KIAA1217: variants seen among roughly 807,000 people sequenced by gnomAD.
The protein encoded by KIAA1217 is sickle tail protein homolog.
Under a neutral mutation model 163.9 loss-of-function variants are expected in KIAA1217, and 88 were observed. That is an observed-to-expected ratio of 0.54 (90% CI 0.45 to 0.64). KIAA1217 has a LOEUF of 0.64. Ranked by LOEUF, KIAA1217 falls within the 30% of genes least tolerant of loss-of-function variation. The pLI, the probability that KIAA1217 is intolerant of heterozygous loss-of-function variation, is 0.00. For missense variants in KIAA1217, 2,372 were observed against 2,475.0 expected (o/e 0.96, Z 0.88); for synonymous variants, 903 against 923.1 (o/e 0.98, Z 0.39).
At chr10:24,118,008 G>C (rs1346936403) in intron 2 of KIAA1217, among the ~76,000 whole-genome samples, 1 of 152,052 alleles carries the variant, frequency 6.6e-6, no homozygotes, top group Non-Finnish European at 1.5e-5. Flanking sequence ...GGAGGAGGGT[G>C]GGAGAAACGA....
chr10:24,431,293 T>G (rs770307889), intron 3 of KIAA1217, among the ~76,000 whole-genome samples: 2 of 152,208 alleles, frequency 1.3e-5, no homozygotes, highest in Non-Finnish European at 2.9e-5. Flanking sequence ...CCCCAGTAGA[T>G]TCTCACAAAA....
intron 1 of KIAA1217, among the ~76,000 whole-genome samples, chr10:23,896,713 C>T (rs964983560): frequency 4.3e-4 from 65 of 152,082 alleles, no homozygotes; most frequent in African/African-American, 1.5e-3. Context: ...AGCAGCCAAA[C>T]TTGGATGACA....
At chr10:23,883,762 T>C (rs1261661351) in intron 1 of KIAA1217, among the ~76,000 whole-genome samples, 3 of 151,864 alleles carry the variant, frequency 2.0e-5, no homozygotes, top group Admixed American at 6.6e-5. Context: ...TAAAAATCCT[T>C]TGTGCACCAT....
intron 2 of KIAA1217, among the ~76,000 whole-genome samples, chr10:24,200,826 G>T (rs555165581): frequency 2.0e-5 from 3 of 152,098 alleles, no homozygotes. Context: ...TTCTCAGAAG[G>T]GGCCTGTGAG....
intron 1 of KIAA1217, among the ~76,000 whole-genome samples, chr10:23,726,644 A>G (rs930472740): frequency 1.3e-5 from 2 of 152,148 alleles, no homozygotes; most frequent in Non-Finnish European, 2.9e-5. Context: ...AAATTTTTGC[A>G]ATCTACTCAT....
intron 2 of KIAA1217, among the ~76,000 whole-genome samples, chr10:24,369,400 C>T (rs995598741): frequency 6.6e-6 from 1 of 152,146 alleles, no homozygotes; most frequent in Non-Finnish European, 1.5e-5. Flanking sequence ...CCCTCTTGCC[C>T]AGTTCCCTGT....
chr10:24,340,875 C>G (rs995959321), intron 2 of KIAA1217, among the ~76,000 whole-genome samples: 6 of 152,214 alleles, frequency 3.9e-5, no homozygotes, highest in African/African-American at 1.4e-4. Context: ...AGCAGAAATG[C>G]CTCAGCATTT....
intron 13 of KIAA1217, among the ~76,000 whole-genome samples, chr10:24,527,691 A>G (rs1054146569): frequency 2.6e-5 from 4 of 152,028 alleles, no homozygotes; most frequent in African/African-American, 9.7e-5. Context: ...GTAGTAGAAA[A>G]AATACTTTTA....
chr10:23,891,112 T>A (rs899844370), intron 1 of KIAA1217, among the ~76,000 whole-genome samples: 1 of 151,976 alleles, frequency 6.6e-6, no homozygotes, highest in African/African-American at 2.4e-5. Context: ...TTTCAGTACA[T>A]TTGCAGATTA....
chr10:23,891,742 G>T (rs1427271395), intron 1 of KIAA1217, among the ~76,000 whole-genome samples: 1 of 151,660 alleles, frequency 6.6e-6, no homozygotes, highest in Non-Finnish European at 1.5e-5. Context: ...TTAGTGTTCT[G>T]GTTTCAGAAC....
In KIAA1217 at chr10:24,544,489, G is replaced by A. The variant is rs755772105; in HGVS notation, c.5211+8G>A. 6.3e-7 allele frequency: 1 copy of A among 1,591,236 alleles called. No individual in the cohort carries two copies. The highest frequency in any genetic ancestry group is 8.6e-7 in the Non-Finnish European group (1 of 1,168,066). ...CCTTCAGCTTCACGTAAGGTATCTT[G>A]GTCTGCTGGAAAATGAAAAGACCCA... On this transcript the variant is annotated splice_region_variant and intron_variant, in intron 19 of 20. Coordinates refer to ENST00000376454, the MANE Select transcript of KIAA1217 (RefSeq NM_019590.5).
upstream of KIAA1217, among the ~76,000 whole-genome samples, chr10:24,205,255 G>C (rs376500760): frequency 7.5e-6 from 1 of 134,036 alleles, no homozygotes; most frequent in Non-Finnish European, 1.5e-5. Flanking sequence ...TCAGGAGTTC[G>C]AGACCAGCCT....
At chr10:23,800,450 G>A (rs543043382) in intron 1 of KIAA1217, among the ~76,000 whole-genome samples, 2 of 152,268 alleles carry the variant, frequency 1.3e-5, no homozygotes, top group African/African-American at 4.8e-5. Context: ...CAGCTTCTCA[G>A]TGGTCACACC....
chr10:24,253,840 A>G (rs959269068), intron 2 of KIAA1217, among the ~76,000 whole-genome samples: 4 of 151,936 alleles, frequency 2.6e-5, no homozygotes, highest in African/African-American at 9.7e-5. Flanking sequence ...ACCTGAGCCC[A>G]GGAGGTTGAG....
At chr10:24,322,700 C>T (rs1468646941) in intron 2 of KIAA1217, among the ~76,000 whole-genome samples, 1 of 152,124 alleles carries the variant, frequency 6.6e-6, no homozygotes, top group South Asian at 2.1e-4. Context: ...AGACGTCTTT[C>T]GTGCCTCTAA....
intron 1 of KIAA1217, among the ~76,000 whole-genome samples, chr10:23,955,511 T>G (rs748330384): frequency 1.3e-5 from 2 of 152,188 alleles, no homozygotes; most frequent in Non-Finnish European, 1.5e-5. Flanking sequence ...ATTCTATTCT[T>G]CTATGGAACA....
At chr10:23,907,542 G>A (rs1017187582) in intron 1 of KIAA1217, among the ~76,000 whole-genome samples, 15 of 152,040 alleles carry the variant, frequency 9.9e-5, no homozygotes, top group Admixed American at 5.2e-4. Flanking sequence ...GTCTGGGTCC[G>A]ATAGCCCAAG....
At chr10:23,810,876 TATAGTATACATATC>T (rs1836992139) in intron 1 of KIAA1217, among the ~76,000 whole-genome samples, 1 of 123,008 alleles carries the variant, frequency 8.1e-6, no homozygotes, top group African/African-American at 3.2e-5. Flanking sequence ...TACTATACAG[TATAGTATACATATC>T]ATATAGTATA....
intron 2 of KIAA1217, among the ~76,000 whole-genome samples, chr10:24,309,350 G>GCACGCGCGCGCGCA (rs1554807977): frequency 1.1e-4 from 14 of 132,284 alleles, no homozygotes; most frequent in African/African-American, 1.7e-4. Flanking sequence ...ACGCGCGCGC[G>GCACGCGCGCGCGCA]CACACACACA....
Sources: gnomAD v4.1 joint callset for allele counts (sites outside exome capture counted in the v4.1 genomes callset) on GRCh38, gnomAD v4.1.1 for gene constraint, MANE v1.5 for transcripts, NCBI Gene and HGNC (gene_info 2026-07-23, HGNC 2026-07-21) for gene names.